The following TSEN34 variants were observed in gnomAD, a reference collection of about 807,000 sequenced individuals.
The protein encoded by TSEN34 is tRNA splicing endonuclease subunit 34, also known as tRNA-splicing endonuclease subunit Sen34.
TSEN34 carries 25 observed loss-of-function variants against 30.2 expected under a neutral mutation model. The ratio of observed to expected loss-of-function variants is 0.83; its 90% CI spans 0.60 to 1.16. The LOEUF (loss-of-function observed/expected upper bound fraction) is 1.16, where lower values mean the gene tolerates loss of function less well. Ranked by LOEUF, TSEN34 falls within the 50% of genes most tolerant of loss-of-function variation. The probability of loss-of-function intolerance (pLI) is 0.00; values close to 1 mark genes in which losing one functional copy is unlikely to be tolerated. For missense variants in TSEN34, 475 were observed against 411.9 expected, an observed-to-expected ratio of 1.15 and a Z score of -1.33; for synonymous variants, 209 against 177.4, an observed-to-expected ratio of 1.18 and a Z score of -1.41.
chr19:54,189,946 T>G, upstream of TSEN34: 1 of 298,346 alleles, frequency 3.4e-6, no homozygotes, highest in Non-Finnish European at 6.4e-6. Flanking sequence ...GCCACAAGCT[T>G]CGGTTTACTT....
At position 54,192,337 on chromosome 19, in the gene TSEN34, G is replaced by A; in HGVS notation, c.709G>A (p.Ala237Thr). ...GGAGCGAGGCTTCTTCCTCAGTGCGGCTGGCAAGTTCGGAGGTGACTTCCT... is the reference window on the plus strand; with the variant it reads ...GGAGCGAGGCTTCTTCCTCAGTGCGACTGGCAAGTTCGGAGGTGACTTCCT... ...LWERGFFLSA[A>T]GKFGGDFLVY... Residue 237 changes from alanine (A) to threonine (T), a missense_variant, in exon 3 of 4, where the codon GCT (alanine) becomes ACT (threonine). By Grantham distance (58) the Ala-to-Thr change is moderately conservative (BLOSUM62 0). Coordinates refer to ENST00000396388, the MANE Select transcript of TSEN34 (RefSeq NM_001077446.4). 1 of 1,614,216 alleles carries A rather than the reference G, an allele frequency of 6.2e-7. No homozygotes were observed. The highest frequency in any genetic ancestry group is 1.3e-5 in the African/African-American group (1 of 75,062).
At chr19:54,190,233 G>T (rs74955745), upstream of TSEN34, 2,167 of 832,052 alleles carry the variant, frequency 2.6e-3, 8 homozygotes, top group African/African-American at 0.012. Flanking sequence ...TGCGAGGGGC[G>T]GGACCTGACT....
At chr19:54,190,821 A>C (rs62133060), upstream of TSEN34, 5,999 of 1,068,778 alleles carry the variant, frequency 5.6e-3, 21 homozygotes, top group Non-Finnish European at 6.2e-3. Flanking sequence ...CCGAAAGCCG[A>C]ATCACAGTCG....
chr19:54,190,386 C>A, upstream of TSEN34: 1 of 1,503,882 alleles, frequency 6.6e-7, no homozygotes, highest in Non-Finnish European at 8.9e-7. Flanking sequence ...CTCGCTGGTT[C>A]TATCGGTGGA....
In TSEN34 at chr19:54,191,308, G is replaced by A. The variant is rs1472943060; in HGVS notation, c.-57G>A. On this transcript the variant is annotated 5_prime_UTR_variant, in exon 1 of 4. Transcript: ENST00000396388. ...CCGGAGGCTTTGGGTGCGCTGCAGC[G>A]GTCCGCGGCGCGCAGCTGTTTCGGT... 1.3e-5 allele frequency: 20 copies of A among 1,546,678 alleles called. No homozygotes were observed. Among genetic ancestry groups the A allele is most frequent in the Non-Finnish European group, 1.7e-5 (19 of 1,145,872 alleles).
chr19:54,189,597 G>A (rs770895579), upstream of TSEN34: 11 of 152,642 alleles, frequency 7.2e-5, no homozygotes, highest in Admixed American at 3.3e-4. Flanking sequence ...CGAGCTCCGA[G>A]TACGTGAAGG....
intron 3 of TSEN34, among the ~76,000 whole-genome samples, chr19:54,192,733 A>G (rs897000029): frequency 2.0e-5 from 3 of 152,166 alleles, no homozygotes; most frequent in Non-Finnish European, 2.9e-5. Context: ...GGCTGGGCGC[A>G]ATGGCTCACG....
upstream of TSEN34, chr19:54,189,981 G>A: frequency 2.3e-6 from 1 of 442,488 alleles, no homozygotes; most frequent in South Asian, 2.7e-5. Context: ...TACAAGTGAC[G>A]CTAGGATGAT....
At position 54,192,303 on chromosome 19, in the gene TSEN34, A is replaced by G. The variant is rs375366303; in HGVS notation, c.675A>G (p.Arg225=). The G allele has an allele frequency of 1.7e-5, 28 of 1,614,030 alleles. No individual in the cohort carries two copies. The highest frequency in any genetic ancestry group is 6.7e-5 in the Admixed American group (4 of 59,994). The change falls in exon 3 of 4, where the codon AGA becomes AGG. Residue 225 remains arginine, a synonymous_variant. Coordinates refer to ENST00000396388, the MANE Select transcript of TSEN34 (RefSeq NM_001077446.4). ...PAHELRYSIY[R]DLWERGFFLS... ...ACGAGCTGCGCTACAGTATCTACAGAGACCTGTGGGAGCGAGGCTTCTTCC... is the reference window on the plus strand; with the variant it reads ...ACGAGCTGCGCTACAGTATCTACAGGGACCTGTGGGAGCGAGGCTTCTTCC...
At chr19:54,190,340 C>T (rs1437807738), upstream of TSEN34, 2 of 1,528,596 alleles carry the variant, frequency 1.3e-6, no homozygotes, top group East Asian at 2.5e-5. Flanking sequence ...CAGTGGGTGG[C>T]TCCACCTCGA....
Position 54,191,378 on chromosome 19 carries a change from A to T in TSEN34, c.14A>T (p.Glu5Val), listed in dbSNP as rs1254759508. 4 of 1,549,820 alleles carry T rather than the reference A, an allele frequency of 2.6e-6. No individual in the cohort carries two copies. Among genetic ancestry groups the T allele is most frequent in the African/African-American group, 1.4e-5 (1 of 73,030 alleles). ...TCCCGCAGGAGGATGCTGGTGGTGG[A>T]GGTGGCGAACGGCCGCTCCCTGGTG... is the stretch of plus-strand genomic sequence containing the variant. Reference protein sequence around the residue: MLVVEVANGRSLVWG... With the variant: MLVVVVANGRSLVWG... The change falls in exon 1 of 4, where the codon GAG becomes GTG. Residue 5 changes from glutamate (E) to valine (V), a missense_variant. Physicochemically the swap from Glu to Val is moderately radical, Grantham distance 121. Coordinates refer to ENST00000396388, the MANE Select transcript of TSEN34 (RefSeq NM_001077446.4).
chr19:54,190,827 A>T, upstream of TSEN34: 1 of 1,062,676 alleles, frequency 9.4e-7, no homozygotes, highest in Non-Finnish European at 1.1e-6. Context: ...GCCGAATCAC[A>T]GTCGTTCGGA....
In TSEN34 at chr19:54,194,532, A is replaced by G. The variant is rs773114937; in HGVS notation, c.*1170A>G. Reference sequence around the variant, plus strand: ...CAATAATTACACCTTTATCTTATCAATGTGCAGTTTTATTTTGTCACGTTT... The same window carrying G: ...CAATAATTACACCTTTATCTTATCAGTGTGCAGTTTTATTTTGTCACGTTT... On this transcript the variant is annotated 3_prime_UTR_variant, in exon 4 of 4. Coordinates refer to ENST00000396388, the MANE Select transcript of TSEN34 (RefSeq NM_001077446.4). 9.2e-5 allele frequency: 14 copies of G among 152,168 alleles called. No individual in the cohort carries two copies. The highest frequency in any genetic ancestry group is 3.1e-4 in the African/African-American group (13 of 41,432). 9.4% of individuals were successfully genotyped at this position (152,168 alleles called of 1,614,324 possible). A position where few individuals can be genotyped will look rare whatever the true frequency, so the allele number is the denominator to read the frequency against.
chr19:54,190,196 C>G (rs2076611124), upstream of TSEN34: 1 of 624,250 alleles, frequency 1.6e-6, no homozygotes, highest in Non-Finnish European at 2.8e-6. Context: ...AGGTGGCCCC[C>G]GCGGGAGGAG....
chr19:54,192,287 G>T lies in TSEN34; in HGVS notation c.659G>T (p.Arg220Leu). The T allele has an allele frequency of 6.2e-7, 1 of 1,614,134 alleles. No individual in the cohort carries two copies. Among genetic ancestry groups the T allele is most frequent in the Non-Finnish European group, 8.5e-7 (1 of 1,180,022 alleles). Residue 220 changes from arginine to leucine, a missense_variant, in exon 3 of 4, where the codon CGC becomes CTC. Transcript: ENST00000396388. ...PHAGRPAHEL[R>L]YSIYRDLWER... ...GCCGGCCGCCCTGCCCACGAGCTGC[G>T]CTACAGTATCTACAGAGACCTGTGG... is the stretch of plus-strand genomic sequence containing the variant.
Position 54,191,908 on chromosome 19 carries a change from C to T in TSEN34, c.431C>T (p.Ala144Val), listed in dbSNP as rs777512116. The change falls in exon 2 of 4, where the codon GCT becomes GTT. Residue 144 changes from alanine to valine, a missense_variant. Coordinates refer to ENST00000396388, the MANE Select transcript of TSEN34 (RefSeq NM_001077446.4). ...AGCCAGGAGGCCGGCTCGAGCCAGG[C>T]TGCCAAAGAGGATGAGACCAGTGAT... ...SSSQEAGSSQAAKEDETSDGQ... is the reference protein window; with the variant it reads ...SSSQEAGSSQVAKEDETSDGQ... 3.1e-6 allele frequency: 5 copies of T among 1,614,090 alleles called. No individual in the cohort carries two copies. In the East Asian group the frequency reaches 6.7e-5, roughly 22 times the overall value.
At chr19:54,189,921 C>A, upstream of TSEN34, 1 of 255,526 alleles carries the variant, frequency 3.9e-6, no homozygotes, top group Non-Finnish European at 7.7e-6. Context: ...ACAGACTCGG[C>A]CGGATGTGGG....
Position 54,191,834 on chromosome 19 carries a change from C to G in TSEN34, c.357C>G (p.Gly119=), listed in dbSNP as rs747651059. The change falls in exon 2 of 4, where the codon GGC becomes GGG. Residue 119 remains glycine (G), a synonymous_variant. Coordinates refer to ENST00000396388, the MANE Select transcript of TSEN34 (RefSeq NM_001077446.4). The part of the protein sequence containing the change: ...RQELLEKITE[G]QAAKKQKLEQ... Reference sequence around the variant, plus strand: ...AGCTCCTGGAGAAGATTACGGAGGGCCAGGCTGCTAAGAAGCAGAAACTAG... The same window carrying G: ...AGCTCCTGGAGAAGATTACGGAGGGGCAGGCTGCTAAGAAGCAGAAACTAG... 14 of 1,614,124 alleles carry G rather than the reference C, an allele frequency of 8.7e-6. No individual in the cohort carries two copies. The highest frequency in any genetic ancestry group is 1.2e-5 in the Non-Finnish European group (14 of 1,180,014).
At chr19:54,190,368 T>G, upstream of TSEN34, 3 of 1,516,918 alleles carry the variant, frequency 2.0e-6, no homozygotes, top group African/African-American at 1.4e-5. Context: ...TTACTGTTTA[T>G]GAGGTGACTC....
Sources: gnomAD v4.1 joint callset for allele counts (sites outside exome capture counted in the v4.1 genomes callset) on GRCh38, gnomAD v4.1.1 for gene constraint, MANE v1.5 for transcripts, NCBI Gene and HGNC (gene_info 2026-07-23, HGNC 2026-07-21) for gene names.